Variants in BMPR1B observed in about 807,000 individuals in gnomAD.
BMPR1B encodes bone morphogenetic protein receptor type-1B.
Under a neutral mutation model 59.1 loss-of-function variants are expected in BMPR1B, and 12 were observed. That is an observed-to-expected ratio of 0.20 (90% confidence interval 0.13 to 0.33). BMPR1B has a LOEUF of 0.33. Among genes scored for constraint, BMPR1B ranks in the 10% least tolerant of loss-of-function variants. BMPR1B has a pLI of 1.00. For missense variants in BMPR1B, 550 were observed against 610.9 expected (o/e 0.90, Z 1.05); for synonymous variants, 237 against 207.3 (o/e 1.14, Z -1.23).
intron 3 of BMPR1B, among the ~76,000 whole-genome samples, chr4:95,036,777 T>C (rs959526062): frequency 3.3e-5 from 5 of 151,944 alleles, no homozygotes; most frequent in Admixed American, 6.6e-5. Flanking sequence ...TAGTTTTAGT[T>C]TTTTGAGGAA....
chr4:95,103,999 G>C (rs1434548), intron 3 of BMPR1B, among the ~76,000 whole-genome samples: 142,873 of 151,934 alleles, frequency 0.94, 67,264 homozygotes, highest in Middle Eastern at 0.98. Flanking sequence ...TAAATGCTGG[G>C]TCTATAGTCT....
At chr4:94,895,979 T>G (rs888894338) in intron 2 of BMPR1B, among the ~76,000 whole-genome samples, 5 of 151,988 alleles carry the variant, frequency 3.3e-5, no homozygotes, top group African/African-American at 1.2e-4. Context: ...TAATACACTT[T>G]TTGTGAACTT....
intron 2 of BMPR1B, among the ~76,000 whole-genome samples, chr4:94,977,025 G>A (rs1356102110): frequency 6.6e-6 from 1 of 152,068 alleles, no homozygotes; most frequent in Non-Finnish European, 1.5e-5. Context: ...TTTTAATTTT[G>A]TATTGTCTTT....
intron 1 of BMPR1B, among the ~76,000 whole-genome samples, chr4:94,808,869 A>G (rs1723710019): frequency 6.6e-6 from 1 of 152,178 alleles, no homozygotes; most frequent in African/African-American, 2.4e-5. Context: ...AGCTCGGCCA[A>G]CATGGTGAAA....
chr4:94,933,227 G>A (rs1161627006), intron 2 of BMPR1B, among the ~76,000 whole-genome samples: 1 of 151,892 alleles, frequency 6.6e-6, no homozygotes. Flanking sequence ...GGGATTTTAT[G>A]TCCTATTAAC....
At chr4:94,798,895 T>C (rs1038314418) in intron 1 of BMPR1B, among the ~76,000 whole-genome samples, 1 of 151,984 alleles carries the variant, frequency 6.6e-6, no homozygotes, top group Admixed American at 6.6e-5. Flanking sequence ...TCTGTTTACC[T>C]GTGTTGCTCT....
At chr4:95,065,362 T>G (rs182195217) in intron 3 of BMPR1B, among the ~76,000 whole-genome samples, 1 of 152,178 alleles carries the variant, frequency 6.6e-6, no homozygotes, top group Non-Finnish European at 1.5e-5. Flanking sequence ...TCTAAAATTA[T>G]GTCATTTGAT....
intron 2 of BMPR1B, among the ~76,000 whole-genome samples, chr4:94,944,161 A>G (rs1053162011): frequency 6.6e-6 from 1 of 152,148 alleles, no homozygotes; most frequent in Non-Finnish European, 1.5e-5. Flanking sequence ...AAGATTTCTC[A>G]TATTTGCAAA....
At chr4:94,871,924 A>G (rs1726513776) in intron 1 of BMPR1B, among the ~76,000 whole-genome samples, 1 of 152,240 alleles carries the variant, frequency 6.6e-6, no homozygotes, top group Non-Finnish European at 1.5e-5. Context: ...AAACAAATGA[A>G]TGCTTACTCA....
intron 1 of BMPR1B, among the ~76,000 whole-genome samples, chr4:94,865,041 A>G (rs1726159261): frequency 6.6e-6 from 1 of 150,840 alleles, no homozygotes; most frequent in South Asian, 2.1e-4. Flanking sequence ...ATGGAGTCTC[A>G]CTCTGTCACC....
At chr4:94,845,443 C>CGCCATTCT (rs1725283428) in intron 1 of BMPR1B, among the ~76,000 whole-genome samples, 1 of 151,722 alleles carries the variant, frequency 6.6e-6, no homozygotes, top group Non-Finnish European at 1.5e-5. Flanking sequence ...CCCGGGTTCA[C>CGCCATTCT]GCCATTCTCT....
chr4:95,154,405 C>A, intron 12 of BMPR1B, 143 bp from the exon 13 acceptor site: 3 of 1,150,360 alleles, frequency 2.6e-6, no homozygotes, highest in Non-Finnish European at 3.7e-6. Flanking sequence ...ATGAAAAAAG[C>A]TTACAGAATT....
chr4:94,817,762 C>T (rs149770820), intron 1 of BMPR1B, among the ~76,000 whole-genome samples: 55 of 152,220 alleles, frequency 3.6e-4, no homozygotes, highest in Non-Finnish European at 7.1e-4. Context: ...CGATGGTTTC[C>T]CCTAAGAAAA....
chr4:95,057,541 G>T (rs1727023005), intron 3 of BMPR1B, among the ~76,000 whole-genome samples: 1 of 152,022 alleles, frequency 6.6e-6, no homozygotes. Flanking sequence ...TCTTTGGAGG[G>T]AGAATTTGAT....
chr4:94,855,926 A>ATTT (rs1725737373), intron 1 of BMPR1B, among the ~76,000 whole-genome samples: 1 of 152,236 alleles, frequency 6.6e-6, no homozygotes, highest in Admixed American at 6.5e-5. Context: ...AAATGTGTAC[A>ATTT]GTTAGTATTT....
At chr4:94,837,541 A>C (rs1724873640) in intron 1 of BMPR1B, among the ~76,000 whole-genome samples, 1 of 145,268 alleles carries the variant, frequency 6.9e-6, no homozygotes, top group Non-Finnish European at 1.5e-5. Flanking sequence ...GAGTTCTCTC[A>C]TGATTTGGCT....
chr4:95,010,329 T>A (rs919952009), intron 3 of BMPR1B, among the ~76,000 whole-genome samples: 1 of 152,196 alleles, frequency 6.6e-6, no homozygotes, highest in Admixed American at 6.5e-5. Flanking sequence ...GTGTGTTTTC[T>A]CATTACTGCT....
chr4:94,986,477 C>A (rs535245213), intron 2 of BMPR1B, among the ~76,000 whole-genome samples: 1 of 152,210 alleles, frequency 6.6e-6, no homozygotes, highest in South Asian at 2.1e-4. Context: ...CAGGTCTTGA[C>A]AATGTATTTT....
intron 1 of BMPR1B, among the ~76,000 whole-genome samples, chr4:94,841,960 A>T (rs1383615095): frequency 6.6e-6 from 1 of 152,178 alleles, no homozygotes; most frequent in African/African-American, 2.4e-5. Context: ...GAAGGACGTT[A>T]TGATAATAAT....
Sources: allele counts gnomAD v4.1 joint callset (sites outside exome capture counted in the v4.1 genomes callset), GRCh38; gene constraint gnomAD v4.1.1; transcripts MANE v1.5; gene names NCBI Gene and HGNC (gene_info 2026-07-23, HGNC 2026-07-21).